Variants in SGCD observed in about 807,000 individuals in gnomAD.
The protein encoded by SGCD is delta-sarcoglycan.
SGCD carries 18 observed loss-of-function variants against 36.6 expected under a neutral mutation model. The observed-to-expected ratio is 0.49, with a 90% CI of 0.34 to 0.73. The LOEUF (loss-of-function observed/expected upper bound fraction) is 0.73. SGCD is among the 30% of genes least tolerant of loss of function. The pLI is 0.01. For synonymous variants in SGCD, 133 were observed against 130.6 expected (o/e 1.02, Z -0.12); for missense variants, 387 against 346.7 (o/e 1.12, Z -0.92).
intron 6 of SGCD, among the ~76,000 whole-genome samples, chr5:156,640,493 A>G (rs1762989341): frequency 7.5e-6 from 1 of 133,862 alleles, no homozygotes; most frequent in Non-Finnish European, 1.8e-5. Flanking sequence ...CTACAATAAA[A>G]CTTATTAAGA....
At chr5:156,028,230 G>GGTAGAAT (rs1474582000) in intron 1 of SGCD, among the ~76,000 whole-genome samples, 1 of 152,158 alleles carries the variant, frequency 6.6e-6, no homozygotes, top group African/African-American at 2.4e-5. Context: ...TCGAAGACAG[G>GGTAGAAT]GTAGAATGTG....
intron 1 of SGCD, among the ~76,000 whole-genome samples, chr5:155,885,707 A>G (rs1483314544): frequency 3.9e-5 from 6 of 152,260 alleles, no homozygotes; most frequent in Non-Finnish European, 5.9e-5. Context: ...AAAAGAAAAC[A>G]TCAAATGATG....
chr5:156,428,506 T>A (rs1361674844), intron 3 of SGCD, among the ~76,000 whole-genome samples: 1 of 152,098 alleles, frequency 6.6e-6, no homozygotes, highest in Non-Finnish European at 1.5e-5. Context: ...ATTTCATTGA[T>A]ATTTTGTAAT....
At chr5:156,684,736 T>C (rs1753845794) in intron 7 of SGCD, among the ~76,000 whole-genome samples, 1 of 152,168 alleles carries the variant, frequency 6.6e-6, no homozygotes, top group South Asian at 2.1e-4. Flanking sequence ...TACATCACAG[T>C]CAGTATCCAC....
intron 3 of SGCD, among the ~76,000 whole-genome samples, chr5:156,148,632 T>C (rs1762763811): frequency 6.6e-6 from 1 of 152,158 alleles, no homozygotes; most frequent in African/African-American, 2.4e-5. Flanking sequence ...CATCCAATAA[T>C]GAGATACAGA....
At chr5:156,092,946 G>T (rs560620308) in intron 1 of SGCD, among the ~76,000 whole-genome samples, 14 of 152,216 alleles carry the variant, frequency 9.2e-5, no homozygotes, top group Non-Finnish European at 2.1e-4. Context: ...TGAGTAAGTG[G>T]CATCTGTATT....
chr5:155,762,956 G>A, the SGCD span, among the ~76,000 whole-genome samples: 2 of 152,098 alleles, frequency 1.3e-5, no homozygotes, highest in East Asian at 3.9e-4. Flanking sequence ...TACTTATATG[G>A]GGTGTCTTCT....
chr5:156,327,522 G>A (rs1767865564), intron 1 of SGCD, among the ~76,000 whole-genome samples: 1 of 152,206 alleles, frequency 6.6e-6, no homozygotes, highest in Non-Finnish European at 1.5e-5. Context: ...TTGTCACCCT[G>A]CTCCAACCAT....
chr5:155,834,690 T>C, the SGCD span, among the ~76,000 whole-genome samples: 6 of 152,172 alleles, frequency 3.9e-5, no homozygotes, highest in African/African-American at 1.2e-4. Context: ...TGTTTTCTTC[T>C]TCGTGACAAG....
intron 3 of SGCD, among the ~76,000 whole-genome samples, chr5:156,288,655 C>G (rs1766679056): frequency 6.6e-6 from 1 of 152,110 alleles, no homozygotes; most frequent in South Asian, 2.1e-4. Context: ...GCTCTTAGTT[C>G]TTTCCTACAG....
At chr5:156,185,461 G>T (rs536229802) in intron 3 of SGCD, among the ~76,000 whole-genome samples, 1 of 151,928 alleles carries the variant, frequency 6.6e-6, no homozygotes, top group Non-Finnish European at 1.5e-5. Context: ...TGATCCGCCC[G>T]CCTTGGCCTC....
chr5:156,246,988 C>T (rs1326058514), intron 3 of SGCD, among the ~76,000 whole-genome samples: 1 of 152,162 alleles, frequency 6.6e-6, no homozygotes, highest in African/African-American at 2.4e-5. Flanking sequence ...ACAAAAAAAG[C>T]ACCACTTAGA....
rs186224584 is a variant in SGCD, at chr5:155,901,236, C to T, written c.-282+30812C>T. Among the ~76,000 whole-genome samples the T allele has an allele frequency of 5.0e-3, 759 of 151,216 alleles. 3 individuals are homozygous for T. Among genetic ancestry groups the T allele is most frequent in the African/African-American group, 0.018 (722 of 41,112 alleles). ...CTGAGGTAGAAGAATTGCTTGAACC[C>T]GGGAGGCGGAGGTTGCAGTGAGCCG... On this transcript the variant is annotated intron_variant, in intron 1 of 9. Coordinates refer to the SGCD transcript ENST00000517913.
intron 1 of SGCD, among the ~76,000 whole-genome samples, chr5:156,007,776 C>T (rs1039932697): frequency 5.3e-5 from 8 of 152,070 alleles, no homozygotes; most frequent in African/African-American, 1.7e-4. Context: ...AAAACAAAAA[C>T]AAACAAACAA....
At chr5:156,068,692 C>T (rs568517405) in intron 1 of SGCD, among the ~76,000 whole-genome samples, 4,074 of 151,814 alleles carry the variant, frequency 0.027, 231 homozygotes, top group Admixed American at 0.13. Flanking sequence ...CCTCAGGAAT[C>T]GCCACACTGA....
chr5:156,127,854 C>CAAAAAAAAAAAAAAAAAAAAAAAAAA, intron 3 of SGCD, among the ~76,000 whole-genome samples: 1 of 18,446 alleles, frequency 5.4e-5, no homozygotes, highest in Non-Finnish European at 9.8e-5. Context: ...AACATAAATG[C>CAAAAAAAAAAAAAAAAAAAAAAAAAA]AAAAAAAAAA....
At chr5:156,679,798 T>C (rs1753654359) in intron 7 of SGCD, among the ~76,000 whole-genome samples, 1 of 152,170 alleles carries the variant, frequency 6.6e-6, no homozygotes, top group Non-Finnish European at 1.5e-5. Flanking sequence ...TCTTCTCCGC[T>C]TTTTACTCCT....
At chr5:156,348,530 G>A (rs111849448) in intron 3 of SGCD, among the ~76,000 whole-genome samples, 1 of 152,006 alleles carries the variant, frequency 6.6e-6, no homozygotes, top group Non-Finnish European at 1.5e-5. Flanking sequence ...AAATACCTAG[G>A]AAGATACTTA....
At chr5:156,493,552 T>C (rs916390460) in intron 3 of SGCD, among the ~76,000 whole-genome samples, 1 of 152,152 alleles carries the variant, frequency 6.6e-6, no homozygotes, top group African/African-American at 2.4e-5. Flanking sequence ...ACTCTGGATA[T>C]CTGAAACTTC....
Sources: gnomAD v4.1 joint callset for allele counts (sites outside exome capture counted in the v4.1 genomes callset) on GRCh38, gnomAD v4.1.1 for gene constraint, MANE v1.5 for transcripts, NCBI Gene and HGNC (gene_info 2026-07-23, HGNC 2026-07-21) for gene names.